Variants in TRPC5 observed in about 807,000 individuals in gnomAD.
TRPC5 encodes transient receptor potential cation channel subfamily C member 5, also known as short transient receptor potential channel 5.
A neutral mutation model predicts 56.5 loss-of-function variants in TRPC5; 9 were observed. The ratio of observed to expected loss-of-function variants is 0.16; its 90% confidence interval spans 0.10 to 0.28. The LOEUF is 0.28. Ranked by LOEUF, TRPC5 falls within the 10% of genes least tolerant of loss-of-function variation. The pLI is 1.00. For synonymous variants in TRPC5, 282 were observed against 278.5 expected (o/e 1.01, Z -0.13); for missense variants, 469 against 748.9 (o/e 0.63, Z 4.36).
intron 2 of TRPC5, among the ~76,000 whole-genome samples, chrX:111,925,290 G>A (rs1047015748): frequency 8.9e-6 from 1 of 112,435 alleles, no homozygotes; most frequent in African/African-American, 3.2e-5. Context: ...CCAGATTTCT[G>A]TGTCTGAGGC....
chrX:111,855,439 G>A, intron 3 of TRPC5, among the ~76,000 whole-genome samples: 1 of 111,774 alleles, frequency 8.9e-6, no homozygotes, highest in East Asian at 2.8e-4. Flanking sequence ...GCTTCTGTCA[G>A]CCCCTGTCCC....
intron 3 of TRPC5, among the ~76,000 whole-genome samples, chrX:111,871,650 A>G (rs913624125): frequency 3.6e-5 from 4 of 112,221 alleles, no homozygotes; most frequent in Non-Finnish European, 7.5e-5. Context: ...GAACTAAACA[A>G]GAAAGCACTC....
At chrX:111,918,472 T>C (rs181098899) in intron 2 of TRPC5, among the ~76,000 whole-genome samples, 4 of 110,431 alleles carry the variant, frequency 3.6e-5, no homozygotes, top group Admixed American at 2.9e-4. Flanking sequence ...TTAGCAGCTG[T>C]AAATTTATAA....
chrX:111,948,012 C>A (rs746892595), intron 2 of TRPC5, among the ~76,000 whole-genome samples: 3 of 112,404 alleles, frequency 2.7e-5, no homozygotes, highest in African/African-American at 9.7e-5. Flanking sequence ...TTTAATTAGG[C>A]AAATATGAAA....
chrX:111,854,701 A>C (rs950107692), intron 3 of TRPC5, among the ~76,000 whole-genome samples: 5 of 112,326 alleles, frequency 4.5e-5, no homozygotes, highest in Admixed American at 3.8e-4. Context: ...GAATAAGCCC[A>C]TGCCTGTAGC....
Position 111,848,021 on chromosome X carries a change from A to G in TRPC5, c.1378-585T>C, listed in dbSNP as rs749012639. Reference sequence around the variant, plus strand: ...AGCCATTCACTGGAGCTTTCTGCTGAATTTTTAGCAGGCTGTAATGTATTC... The same window carrying G: ...AGCCATTCACTGGAGCTTTCTGCTGGATTTTTAGCAGGCTGTAATGTATTC... On this transcript the variant is annotated intron_variant, in intron 5 of 10. Coordinates refer to ENST00000262839, the MANE Select transcript of TRPC5 (RefSeq NM_012471.3). Among the ~76,000 whole-genome samples, 3 of 111,726 alleles carry G rather than the reference A, an allele frequency of 2.7e-5. No homozygotes were observed. In the South Asian group the frequency reaches 1.2e-3, roughly 43 times the overall value.
intron 2 of TRPC5, among the ~76,000 whole-genome samples, chrX:111,944,452 G>A (rs1045683171): frequency 1.8e-5 from 2 of 110,815 alleles, no homozygotes; most frequent in African/African-American, 3.3e-5. Flanking sequence ...TGCTGAAAAT[G>A]TTTAAGAACC....
At chrX:111,849,752 G>T (rs1923031677) in intron 5 of TRPC5, among the ~76,000 whole-genome samples, 1 of 111,826 alleles carries the variant, frequency 8.9e-6, no homozygotes, top group African/African-American at 3.2e-5. Context: ...TTAAAAGGTT[G>T]AGCACCACTG....
At position 112,031,645 on chromosome X, in the gene TRPC5, A is replaced by C. The variant is rs776324594; in HGVS notation, c.-22+50234T>G. On this transcript the variant is annotated intron_variant, in intron 1 of 10. Transcript: ENST00000262839. Reference sequence around the variant, plus strand: ...TTATGGATATAGATAATATTATCATAGATATAGACATAGATAAATAGATAT... The same window carrying C: ...TTATGGATATAGATAATATTATCATCGATATAGACATAGATAAATAGATAT... Among the ~76,000 whole-genome samples the C allele has an allele frequency of 9.1e-5, 10 of 110,136 alleles. No individual in the cohort carries two copies. In the South Asian group the frequency reaches 3.8e-3, roughly 41 times the overall value.
intron 2 of TRPC5, among the ~76,000 whole-genome samples, chrX:111,935,599 T>C (rs1299390931): frequency 8.9e-6 from 1 of 111,898 alleles, no homozygotes; most frequent in Non-Finnish European, 1.9e-5. Context: ...TTTCATAGTT[T>C]GAGGTCTGAG....
At chrX:111,982,814 G>C (rs953839812) in intron 1 of TRPC5, among the ~76,000 whole-genome samples, 3 of 111,176 alleles carry the variant, frequency 2.7e-5, no homozygotes, top group African/African-American at 9.8e-5. Context: ...CTTGCTAGTG[G>C]GTTACTAGGG....
At position 111,883,271 on chromosome X, in the gene TRPC5, C is replaced by T. The variant is rs187284354; in HGVS notation, c.900+29020G>A. Among the ~76,000 whole-genome samples the T allele has an allele frequency of 5.2e-3, 584 of 111,878 alleles. 1 individual carries two copies. The highest frequency in any genetic ancestry group is 7.3e-3 in the African/African-American group (226 of 30,846). ...CCTAGGCAAGGCCTAAGCCTAATTT[C>T]GGTCTAGTCAGAGCCTAGTTAAGTT... On this transcript the variant is annotated intron_variant, in intron 3 of 10. Coordinates refer to ENST00000262839, the MANE Select transcript of TRPC5 (RefSeq NM_012471.3).
intron 7 of TRPC5, among the ~76,000 whole-genome samples, chrX:111,812,710 G>T (rs1004951783): frequency 8.1e-5 from 9 of 111,568 alleles, no homozygotes; most frequent in Admixed American, 5.7e-4. Context: ...CCACCTGGAA[G>T]GATTGGATAA....
chrX:111,801,459 G>A (rs1921308025), intron 7 of TRPC5, among the ~76,000 whole-genome samples: 1 of 111,547 alleles, frequency 9.0e-6, no homozygotes, highest in Non-Finnish European at 1.9e-5. Flanking sequence ...CTATCTGAGG[G>A]ATATCCCTAT....
intron 2 of TRPC5, among the ~76,000 whole-genome samples, chrX:111,940,231 G>A (rs764643855): frequency 6.5e-5 from 6 of 92,928 alleles, no homozygotes; most frequent in Non-Finnish European, 1.1e-4. Context: ...AGAATACCTC[G>A]TTATTTATTT....
At chrX:111,989,934 C>T (rs1433880634) in intron 1 of TRPC5, among the ~76,000 whole-genome samples, 1 of 112,291 alleles carries the variant, frequency 8.9e-6, no homozygotes, top group African/African-American at 3.2e-5. Context: ...ACACTTTTTA[C>T]CTTTGGGGGG....
At chrX:111,826,520 G>A (rs778350080) in intron 7 of TRPC5, among the ~76,000 whole-genome samples, 14 of 112,420 alleles carry the variant, frequency 1.2e-4, no homozygotes, top group Non-Finnish European at 2.6e-4. Flanking sequence ...CACAAGCTGA[G>A]ATGAGAAAAA....
rs1851135751 is a variant in TRPC5, at chrX:111,776,044, G to T, written c.*269C>A. 1 of 261,010 alleles carries T rather than the reference G, an allele frequency of 3.8e-6. No homozygotes were observed. Among genetic ancestry groups the T allele is most frequent in the Admixed American group, 6.1e-5 (1 of 16,286 alleles). The allele number at this position is 261,010 out of a possible 1,213,427, so 21.5% of individuals were successfully genotyped here. A position where few individuals can be genotyped will look rare whatever the true frequency, so the allele number is the denominator to read the frequency against. ...AAGCAAAAAGGTTAAGCACCCAACTGCACCTCTGATGATTAGGTGCAACAC... is the reference window on the plus strand; with the variant it reads ...AAGCAAAAAGGTTAAGCACCCAACTTCACCTCTGATGATTAGGTGCAACAC... On this transcript the variant is annotated 3_prime_UTR_variant, in exon 11 of 11. Coordinates refer to ENST00000262839, the MANE Select transcript of TRPC5 (RefSeq NM_012471.3).
chrX:111,851,919 G>A (rs1032770391), intron 5 of TRPC5, among the ~76,000 whole-genome samples: 9 of 111,874 alleles, frequency 8.0e-5, no homozygotes, highest in African/African-American at 2.6e-4. Flanking sequence ...TTTTAATGAA[G>A]TGACAAGGAT....
Sources: gnomAD v4.1 joint callset for allele counts (sites outside exome capture counted in the v4.1 genomes callset) on GRCh38, gnomAD v4.1.1 for gene constraint, MANE v1.5 for transcripts, NCBI Gene and HGNC (gene_info 2026-07-23, HGNC 2026-07-21) for gene names.